RNF145: variants seen among roughly 807,000 people sequenced by gnomAD.
RNF145 encodes ring finger protein 145.
A neutral mutation model predicts 57.3 loss-of-function variants in RNF145; 12 were observed. The ratio of observed to expected loss-of-function variants is 0.21; its 90% confidence interval spans 0.13 to 0.34. The LOEUF is 0.34. Ranked by LOEUF, RNF145 falls within the 10% of genes least tolerant of loss-of-function variation. RNF145 has a pLI of 1.00. For synonymous variants in RNF145, 262 were observed against 288.3 expected (o/e 0.91, Z 0.92); for missense variants, 429 against 799.0 (o/e 0.54, Z 5.58).
chr5:159,157,503 A>G lies in RNF145; in HGVS notation c.*1167T>C, dbSNP rs888667210. On this transcript the variant is annotated 3_prime_UTR_variant, in exon 11 of 11. Coordinates refer to ENST00000424310, the MANE Select transcript of RNF145 (RefSeq NM_001199383.2). ...AAAATAAAATAAAGTCACATCCCAC[A>G]TTAGGAATACCGAGGTCTGAAAAAC... 1.3e-5 allele frequency: 2 copies of G among 152,766 alleles called. No homozygotes were observed. The highest frequency in any genetic ancestry group is 2.4e-5 in the African/African-American group (1 of 41,460). 9.5% of individuals were successfully genotyped at this position (152,766 alleles called of 1,614,324 possible).
At chr5:159,177,504 T>C (rs1784755702) in intron 4 of RNF145, among the ~76,000 whole-genome samples, 1 of 152,158 alleles carries the variant, frequency 6.6e-6, no homozygotes, top group East Asian at 1.9e-4. Flanking sequence ...AACCCAAAGG[T>C]AGTCCTAAGA....
chr5:159,210,008 T>C (rs1047437482), upstream of RNF145: 8 of 978,410 alleles, frequency 8.2e-6, no homozygotes, highest in Non-Finnish European at 1.2e-5. Flanking sequence ...CAGCACCAAG[T>C]GCAGGCACTC....
intron 5 of RNF145, among the ~76,000 whole-genome samples, chr5:159,174,757 A>G (rs1419495522): frequency 6.6e-6 from 1 of 152,084 alleles, no homozygotes; most frequent in Non-Finnish European, 1.5e-5. Flanking sequence ...TGCCAAGTGT[A>G]AGTAACACTA....
chr5:159,161,723 C>A, intron 9 of RNF145, 101 bp from the exon 10 acceptor site: 24 of 666,192 alleles, frequency 3.6e-5, no homozygotes, highest in Middle Eastern at 5.3e-4. Context: ...TTTTAGGGTG[C>A]AATATTTCAA....
chr5:159,161,856 C>T (rs1457918248), intron 9 of RNF145, among the ~76,000 whole-genome samples: 1 of 152,086 alleles, frequency 6.6e-6, no homozygotes, highest in Non-Finnish European at 1.5e-5. Flanking sequence ...AAACAAAAAG[C>T]CACACCGTCA....
intron 3 of RNF145, among the ~76,000 whole-genome samples, chr5:159,192,788 A>G (rs1785330622): frequency 6.6e-6 from 1 of 152,242 alleles, no homozygotes; most frequent in South Asian, 2.1e-4. Context: ...AGTAAATAAA[A>G]AACCTGGAAT....
chr5:159,182,452 C>G (rs1436668884), intron 3 of RNF145, among the ~76,000 whole-genome samples: 1 of 152,054 alleles, frequency 6.6e-6, no homozygotes, highest in Non-Finnish European at 1.5e-5. Context: ...CCACCCTCAT[C>G]TTATTTCCCT....
rs59997682 is a variant in RNF145 at position 159,161,625 on chromosome 5, GAAA to G, written c.1270-6_1270-4del. Reference sequence around the variant, plus strand: ...TAAATAAAAAGTGTTCCCAGAACCTGAAAAAAAAAAAAAAATGTACGTATCTTG... The same window carrying G: ...TAAATAAAAAGTGTTCCCAGAACCTGAAAAAAAAAAAATGTACGTATCTTG... On this transcript the variant is annotated splice_polypyrimidine_tract_variant and splice_region_variant and intron_variant, in intron 9 of 10. Coordinates refer to ENST00000424310, the MANE Select transcript of RNF145 (RefSeq NM_001199383.2). The G allele has an allele frequency of 2.8e-5, 37 of 1,310,680 alleles. No individual in the cohort carries two copies. The highest frequency in any genetic ancestry group is 3.3e-5 in the Non-Finnish European group (31 of 941,598). 81.2% of individuals were successfully genotyped at this position (1,310,680 alleles called of 1,614,324 possible).
chr5:159,186,671 G>C (rs1785067993), intron 3 of RNF145, among the ~76,000 whole-genome samples: 1 of 152,100 alleles, frequency 6.6e-6, no homozygotes, highest in Admixed American at 6.5e-5. Context: ...GCTAGCAGTT[G>C]AATAATTCAT....
intron 10 of RNF145, chr5:159,161,061 A>C: frequency 1.9e-6 from 1 of 513,500 alleles, no homozygotes; most frequent in Admixed American, 3.7e-5. Context: ...AATACATTAG[A>C]ACCCAAGGGA....
intron 2 of RNF145, among the ~76,000 whole-genome samples, chr5:159,202,228 C>A (rs1785693895): frequency 6.6e-6 from 1 of 152,148 alleles, no homozygotes; most frequent in Admixed American, 6.6e-5. Flanking sequence ...TATATAAGCA[C>A]ATTTTTAAAA....
At chr5:159,201,366 G>A (rs1169310575) in intron 2 of RNF145, among the ~76,000 whole-genome samples, 1 of 152,140 alleles carries the variant, frequency 6.6e-6, no homozygotes, top group African/African-American at 2.4e-5. Flanking sequence ...ATTTGTACTT[G>A]TTGAAATTAT....
At chr5:159,167,640 A>C (rs1186077988) in intron 8 of RNF145, among the ~76,000 whole-genome samples, 1 of 152,228 alleles carries the variant, frequency 6.6e-6, no homozygotes, top group Admixed American at 6.5e-5. Context: ...CTAAGTGGCT[A>C]TTTAATTGCG....
intron 5 of RNF145, among the ~76,000 whole-genome samples, chr5:159,175,805 T>C (rs558910637): frequency 6.6e-6 from 1 of 152,306 alleles, no homozygotes; most frequent in Admixed American, 6.5e-5. Context: ...TGTTATCAGT[T>C]TGTTCTATCT....
At chr5:159,184,172 T>C (rs971444234) in intron 3 of RNF145, among the ~76,000 whole-genome samples, 1 of 152,208 alleles carries the variant, frequency 6.6e-6, no homozygotes, top group Non-Finnish European at 1.5e-5. Flanking sequence ...ATTATTGATA[T>C]TTTATAATAA....
intron 8 of RNF145, among the ~76,000 whole-genome samples, chr5:159,167,912 C>T (rs1296103494): frequency 1.3e-5 from 2 of 152,132 alleles, no homozygotes; most frequent in African/African-American, 4.8e-5. Context: ...TTTTAGAAAT[C>T]AGCTGATACA....
intron 3 of RNF145, among the ~76,000 whole-genome samples, chr5:159,194,053 G>C (rs560939968): frequency 2.0e-5 from 3 of 152,274 alleles, no homozygotes; most frequent in South Asian, 2.1e-4. Context: ...TTAAAATTTA[G>C]ATCTAGCAGA....
chr5:159,186,648 C>T (rs1043442604), intron 3 of RNF145, among the ~76,000 whole-genome samples: 1 of 152,148 alleles, frequency 6.6e-6, no homozygotes, highest in Non-Finnish European at 1.5e-5. Flanking sequence ...ACCTACCATA[C>T]CGTCAGCACT....
chr5:159,159,129 A>G (rs1171243382), intron 10 of RNF145, 94 bp from the exon 11 acceptor site: 1 of 1,157,488 alleles, frequency 8.6e-7, no homozygotes, highest in South Asian at 1.5e-5. Context: ...TCTCTTTCCC[A>G]CAATAGAAAA....
Sources: allele counts gnomAD v4.1 joint callset (sites outside exome capture counted in the v4.1 genomes callset), GRCh38; gene constraint gnomAD v4.1.1; transcripts MANE v1.5; gene names NCBI Gene and HGNC (gene_info 2026-07-23, HGNC 2026-07-21).